PAPPA: variants seen among roughly 807,000 people sequenced by gnomAD.
The protein encoded by PAPPA is pappalysin 1.
PAPPA carries 60 observed loss-of-function variants against 164.0 expected under a neutral mutation model. The observed-to-expected ratio is 0.37, with a 90% CI of 0.30 to 0.45. The LOEUF is 0.45. PAPPA is among the 20% of genes least tolerant of loss of function. The probability of loss-of-function intolerance (pLI) is 1.00; values close to 1 mark genes in which losing one functional copy is unlikely to be tolerated. For missense variants in PAPPA, 1,782 were observed against 2,087.3 expected (o/e 0.85, Z 2.85); for synonymous variants, 875 against 814.1 (o/e 1.07, Z -1.27).
chr9:116,177,030 A>G (rs1449645822), intron 1 of PAPPA, among the ~76,000 whole-genome samples: 2 of 148,134 alleles, frequency 1.4e-5, no homozygotes, highest in African/African-American at 4.9e-5. Flanking sequence ...TTGCAGGGAC[A>G]TGTAAAATAT....
At chr9:116,322,213 C>T (rs192144416) in intron 10 of PAPPA, among the ~76,000 whole-genome samples, 10 of 151,820 alleles carry the variant, frequency 6.6e-5, no homozygotes, top group South Asian at 2.1e-4. Flanking sequence ...GATCACCTGA[C>T]GCCTGGCCAA....
chr9:116,185,419 G>A (rs1231843320), intron 1 of PAPPA, among the ~76,000 whole-genome samples: 1 of 152,200 alleles, frequency 6.6e-6, no homozygotes, highest in African/African-American at 2.4e-5. Flanking sequence ...TGCCCACAGA[G>A]GAGTGAAGAC....
At chr9:116,220,915 T>C (rs1324414567) in intron 5 of PAPPA, among the ~76,000 whole-genome samples, 1 of 150,864 alleles carries the variant, frequency 6.6e-6, no homozygotes, top group Non-Finnish European at 1.5e-5. Context: ...TGCATATACA[T>C]ATATGACATA....
chr9:116,188,162 A>T lies in PAPPA; in HGVS notation c.1424A>T (p.Asp475Val). The T allele has an allele frequency of 6.2e-7, 1 of 1,614,048 alleles. No individual in the cohort carries two copies. Among genetic ancestry groups the T allele is most frequent in the South Asian group, 1.1e-5 (1 of 91,080 alleles). ...AACTTTGATGGTGGAGAGTGCTGTG[A>T]CCCTGAAATCACCAATGTCACTCAG... Reference protein sequence around the residue: ...RFNFDGGECCDPEITNVTQTC... With the variant: ...RFNFDGGECCVPEITNVTQTC... Residue 475 changes from aspartate (D) to valine (V), a missense_variant, in exon 2 of 22, where the codon GAC becomes GTC. Asp to Val is a radical substitution (Grantham distance 152, BLOSUM62 -3). Coordinates refer to ENST00000328252, the MANE Select transcript of PAPPA (RefSeq NM_002581.5).
chr9:116,337,940 C>T (rs542647606), intron 13 of PAPPA, among the ~76,000 whole-genome samples: 53 of 152,172 alleles, frequency 3.5e-4, no homozygotes, highest in African/African-American at 1.3e-3. Flanking sequence ...GCAATTCTAG[C>T]CAAATCTCAG....
intron 17 of PAPPA, among the ~76,000 whole-genome samples, chr9:116,355,133 G>A (rs1846336106): frequency 6.6e-6 from 1 of 152,168 alleles, no homozygotes; most frequent in East Asian, 1.9e-4. Context: ...GTCACTGCCT[G>A]CTTTCATTCC....
At position 116,379,151 on chromosome 9, in the gene PAPPA, C is replaced by A. The variant is rs953497262; in HGVS notation, c.4677+1504C>A. On this transcript the variant is annotated intron_variant, in intron 20 of 21. Transcript: ENST00000328252. ...GACTCAGCAGTGAGACCCAAGAGAC[C>A]CTCACCTGTCAGACTCTGAGCCCTG... Among the ~76,000 whole-genome samples the A allele has an allele frequency of 2.0e-5, 3 of 152,166 alleles. No individual in the cohort carries two copies. The South Asian group carries it at 6.2e-4, about 32-fold the overall frequency.
chr9:116,381,173 G>A (rs1037535695), intron 20 of PAPPA, among the ~76,000 whole-genome samples: 27 of 152,274 alleles, frequency 1.8e-4, no homozygotes, highest in African/African-American at 6.0e-4. Context: ...GAGTCCTGAG[G>A]CCTAGAGGAG....
rs1006576472 is a variant in PAPPA at position 116,207,329 on chromosome 9, C to G, written c.1479-127C>G. On this transcript the variant is annotated intron_variant, in intron 2 of 21. Coordinates refer to ENST00000328252, the MANE Select transcript of PAPPA (RefSeq NM_002581.5). Reference sequence around the variant, plus strand: ...TACTTATAATATTATTGGGGGAATTCAATAAGGTAGTATTTTTAAAGTGCT... The same window carrying G: ...TACTTATAATATTATTGGGGGAATTGAATAAGGTAGTATTTTTAAAGTGCT... 5.9e-5 allele frequency: 38 copies of G among 649,290 alleles called. 1 individual carries two copies. In the African/African-American group the frequency reaches 6.1e-4, roughly 10 times the overall value. 40.2% of individuals were successfully genotyped at this position (649,290 alleles called of 1,614,324 possible).
intron 15 of PAPPA, among the ~76,000 whole-genome samples, chr9:116,348,428 T>G (rs1279464479): frequency 6.6e-6 from 1 of 152,046 alleles, no homozygotes; most frequent in African/African-American, 2.4e-5. Flanking sequence ...TTCCCTTTTC[T>G]CCTTTCTACC....
chr9:116,326,880 T>A (rs1453063687), intron 10 of PAPPA, among the ~76,000 whole-genome samples: 1 of 152,242 alleles, frequency 6.6e-6, no homozygotes, highest in Admixed American at 6.5e-5. Context: ...CATAATGTTC[T>A]CAAAGTTCAT....
Position 116,211,689 on chromosome 9 carries a change from A to G in PAPPA, c.1675A>G (p.Thr559Ala), listed in dbSNP as rs1297983235. The change falls in exon 4 of 22, where the codon ACC (threonine) becomes GCC (alanine). Residue 559 changes from threonine to alanine, a missense_variant. Around this residue, in one of 2 missense-constraint regions of PAPPA, gnomAD observed 1,324 missense variants for 1,656.9 expected, o/e 0.80. Transcript: ENST00000328252. ...CTATGGCATGCCTGGGCACACCCAC[A>G]CCATGATCCATGAGATTGGTCACAG... is the stretch of plus-strand genomic sequence containing the variant. ...SFYGMPGHTH[T>A]MIHEIGHSLG... 6.2e-7 allele frequency: 1 copy of G among 1,613,966 alleles called. No homozygotes were observed. Among genetic ancestry groups the G allele is most frequent in the African/African-American group, 1.3e-5 (1 of 74,894 alleles).
At chr9:116,281,452 C>T (rs900068287) in intron 9 of PAPPA, among the ~76,000 whole-genome samples, 7 of 152,248 alleles carry the variant, frequency 4.6e-5, no homozygotes, top group Middle Eastern at 3.4e-3. Flanking sequence ...CATCTACCCT[C>T]GTGTCCCAAC....
At chr9:116,186,029 C>G (rs1418891791) in intron 1 of PAPPA, among the ~76,000 whole-genome samples, 1 of 152,102 alleles carries the variant, frequency 6.6e-6, no homozygotes, top group Non-Finnish European at 1.5e-5. Flanking sequence ...TCCATATTCT[C>G]ACCAGTTAAG....
chr9:116,270,122 G>T (rs1022610689), intron 8 of PAPPA, among the ~76,000 whole-genome samples: 2 of 152,208 alleles, frequency 1.3e-5, no homozygotes, highest in Non-Finnish European at 2.9e-5. Context: ...AGGGACAGCT[G>T]TCACACACTC....
chr9:116,256,460 G>T (rs1168401466), intron 7 of PAPPA, among the ~76,000 whole-genome samples: 4 of 151,912 alleles, frequency 2.6e-5, no homozygotes, highest in Non-Finnish European at 4.4e-5. Flanking sequence ...AAAGCCAATT[G>T]GATGAAGATA....
At chr9:116,316,704 T>C (rs1845791631) in intron 10 of PAPPA, among the ~76,000 whole-genome samples, 2 of 152,202 alleles carry the variant, frequency 1.3e-5, no homozygotes, top group African/African-American at 4.8e-5. Context: ...TGGGAGTTCT[T>C]GTTTGAGTTG....
intron 9 of PAPPA, among the ~76,000 whole-genome samples, chr9:116,301,988 C>A (rs1410717848): frequency 6.6e-6 from 1 of 152,168 alleles, no homozygotes; most frequent in Non-Finnish European, 1.5e-5. Context: ...AGTTAAACAA[C>A]CCCCAGTTTG....
chr9:116,350,051 C>A (rs1846261775), intron 15 of PAPPA, among the ~76,000 whole-genome samples: 1 of 152,170 alleles, frequency 6.6e-6, no homozygotes, highest in African/African-American at 2.4e-5. Context: ...CGAGTTATTG[C>A]AACTCTGGAA....
Sources: gnomAD v4.1 joint callset for allele counts (sites outside exome capture counted in the v4.1 genomes callset) on GRCh38, gnomAD v4.1.1 for gene constraint, gnomAD v4.1.1 regional missense constraint, MANE v1.5 for transcripts, NCBI Gene and HGNC (gene_info 2026-07-23, HGNC 2026-07-21) for gene names.